Variants in TBC1D1 observed in about 807,000 individuals in gnomAD.
The protein encoded by TBC1D1 is TBC1 (tre-2/USP6, BUB2, cdc16) domain family, member 1.
TBC1D1 carries 89 observed loss-of-function variants against 125.6 expected under a neutral mutation model. The observed-to-expected ratio is 0.71, with a 90% CI of 0.60 to 0.85. The LOEUF is 0.85. Among genes scored for constraint, TBC1D1 ranks in the 40% least tolerant of loss-of-function variants. TBC1D1 has a pLI of 0.00. For missense variants in TBC1D1, 1,377 were observed against 1,469.2 expected (o/e 0.94, Z 1.03); for synonymous variants, 565 against 564.1 (o/e 1.00, Z -0.02).
chr4:37,986,078 T>C (rs929890139), intron 2 of TBC1D1, among the ~76,000 whole-genome samples: 1 of 152,228 alleles, frequency 6.6e-6, no homozygotes, highest in African/African-American at 2.4e-5. Context: ...TACTCAGACC[T>C]TTTCTTTCAT....
intron 15 of TBC1D1, among the ~76,000 whole-genome samples, chr4:38,110,897 C>A (rs1440657511): frequency 6.6e-6 from 1 of 152,178 alleles, no homozygotes; most frequent in East Asian, 1.9e-4. Context: ...GGGTGTGTGG[C>A]CTTCTCTCCT....
chr4:37,999,174 G>A (rs1042637058), intron 2 of TBC1D1, among the ~76,000 whole-genome samples: 2 of 152,178 alleles, frequency 1.3e-5, no homozygotes, highest in Non-Finnish European at 1.5e-5. Context: ...GCTTGAACCC[G>A]GAGGCAGACG....
chr4:38,133,676 TAACA>T (rs1765986124), intron 19 of TBC1D1, among the ~76,000 whole-genome samples: 1 of 152,190 alleles, frequency 6.6e-6, no homozygotes, highest in South Asian at 2.1e-4. Context: ...GAAATAAATA[TAACA>T]AACCAGAAGA....
chr4:38,043,610 T>G (rs2152469649), intron 8 of TBC1D1, among the ~76,000 whole-genome samples: 1 of 149,070 alleles, frequency 6.7e-6, no homozygotes, highest in South Asian at 2.1e-4. Flanking sequence ...AAAAAGTACC[T>G]CCTTGTAAAT....
intron 18 of TBC1D1, among the ~76,000 whole-genome samples, chr4:38,126,407 T>A (rs371863886): frequency 1.3e-5 from 2 of 152,370 alleles, no homozygotes; most frequent in East Asian, 3.9e-4. Context: ...CCAAAAGGAA[T>A]CCATGATTCC....
intron 2 of TBC1D1, among the ~76,000 whole-genome samples, chr4:37,988,455 G>A (rs1475891739): frequency 6.6e-6 from 1 of 152,098 alleles, no homozygotes; most frequent in Non-Finnish European, 1.5e-5. Context: ...ACATTAATGT[G>A]TTCATCCATT....
rs1205619644 is a variant in TBC1D1, at chr4:37,891,210, C to T, written c.-232C>T. ...CGGGCGCCGAGCCGAGGGGAGCCCC[C>T]TCCCCGTCCCCCCGCGGCGGGAAGA... On this transcript the variant is annotated 5_prime_UTR_variant, in exon 1 of 20. Coordinates refer to ENST00000261439, the MANE Select transcript of TBC1D1 (RefSeq NM_015173.4). 6.5e-6 allele frequency: 1 copy of T among 152,988 alleles called. No individual in the cohort carries two copies. Among genetic ancestry groups the T allele is most frequent in the Non-Finnish European group, 1.5e-5 (1 of 68,654 alleles). 9.5% of individuals were successfully genotyped at this position (152,988 alleles called of 1,614,324 possible). A position where few individuals can be genotyped will look rare whatever the true frequency, so the allele number is the denominator to read the frequency against.
At chr4:38,017,636 G>A (rs1463298795) in intron 3 of TBC1D1, among the ~76,000 whole-genome samples, 1 of 152,190 alleles carries the variant, frequency 6.6e-6, no homozygotes, top group Non-Finnish European at 1.5e-5. Flanking sequence ...ATGGGTCTGG[G>A]AGTTAAGAAT....
chr4:37,995,221 T>C lies in TBC1D1; in HGVS notation c.418-19288T>C, dbSNP rs949717480. Among the ~76,000 whole-genome samples, 9 of 152,172 alleles carry C rather than the reference T, an allele frequency of 5.9e-5. No homozygotes were observed. Among genetic ancestry groups the C allele is most frequent in the African/African-American group, 2.2e-4 (9 of 41,444 alleles). On this transcript the variant is annotated intron_variant, in intron 2 of 19. Coordinates refer to ENST00000261439, the MANE Select transcript of TBC1D1 (RefSeq NM_015173.4). The surrounding 1 kb of genome is among the most constrained non-coding windows in gnomAD (Gnocchi z 4.3). ...TTTTCTTCCTCATATGCTAGGAGCC[T>C]GGACAGATAAAGGTGTAAACAAAAA...
intron 2 of TBC1D1, among the ~76,000 whole-genome samples, chr4:38,009,243 G>A (rs1305763569): frequency 6.6e-6 from 1 of 152,092 alleles, no homozygotes; most frequent in Non-Finnish European, 1.5e-5. Context: ...TGTGTGAAGT[G>A]CTCATTTGAA....
intron 10 of TBC1D1, among the ~76,000 whole-genome samples, chr4:38,048,851 G>A (rs1207351692): frequency 6.6e-6 from 1 of 152,164 alleles, no homozygotes; most frequent in African/African-American, 2.4e-5. Context: ...CGTGCATCGT[G>A]AAGGCATACA....
At chr4:38,111,893 C>G in intron 15 of TBC1D1, 2 of 984,582 alleles carry the variant, frequency 2.0e-6, no homozygotes, top group Non-Finnish European at 2.4e-6. Context: ...AGCTGAAGGC[C>G]AGAGACTCAC....
At chr4:37,938,323 CT>C (rs1371940973) in intron 2 of TBC1D1, among the ~76,000 whole-genome samples, 1 of 152,144 alleles carries the variant, frequency 6.6e-6, no homozygotes, top group African/African-American at 2.4e-5. Flanking sequence ...CCATCCTCAA[CT>C]GATTGCCAGG....
chr4:38,026,644 TTTC>T (rs1745143044), intron 6 of TBC1D1, among the ~76,000 whole-genome samples: 1 of 152,206 alleles, frequency 6.6e-6, no homozygotes, highest in Non-Finnish European at 1.5e-5. Flanking sequence ...ATGCTTTTTT[TTTC>T]TTTTCATGGC....
At chr4:38,079,241 T>C (rs1490662324) in intron 12 of TBC1D1, among the ~76,000 whole-genome samples, 1 of 152,260 alleles carries the variant, frequency 6.6e-6, no homozygotes, top group Non-Finnish European at 1.5e-5. Context: ...AGTCTGTCTC[T>C]GACTATGTTC....
At chr4:37,898,363 C>G (rs1319808597) in intron 1 of TBC1D1, among the ~76,000 whole-genome samples, 1 of 152,150 alleles carries the variant, frequency 6.6e-6, no homozygotes, top group East Asian at 1.9e-4. Flanking sequence ...AAATAGAAGA[C>G]AAGGATGGAG....
chr4:38,099,899 C>G (rs1578702770), intron 14 of TBC1D1, among the ~76,000 whole-genome samples: 1 of 152,082 alleles, frequency 6.6e-6, no homozygotes, highest in East Asian at 1.9e-4. Flanking sequence ...AGTGACACAG[C>G]CAATATTCTT....
rs769716260 is a variant in TBC1D1, at chr4:38,044,502, A to G, written c.1542+12A>G. 7 of 1,601,002 alleles carry G rather than the reference A, an allele frequency of 4.4e-6. No individual in the cohort carries two copies. Among genetic ancestry groups the G allele is most frequent in the Non-Finnish European group, 5.1e-6 (6 of 1,176,372 alleles). On this transcript the variant is annotated intron_variant, in intron 9 of 19. Coordinates refer to ENST00000261439, the MANE Select transcript of TBC1D1 (RefSeq NM_015173.4). ...GTATTTTGTCCCGGGTAAGTAGCAT[A>G]ATTTCTCCTGATTTAAGTTAAATCA...
intron 2 of TBC1D1, among the ~76,000 whole-genome samples, chr4:37,911,557 G>A (rs1200185137): frequency 6.6e-6 from 1 of 152,178 alleles, no homozygotes; most frequent in African/African-American, 2.4e-5. Context: ...TGCCCATCCT[G>A]CAGGGACCCT....
Sources: allele counts gnomAD v4.1 joint callset (sites outside exome capture counted in the v4.1 genomes callset), GRCh38; gene constraint gnomAD v4.1.1; non-coding constraint Gnocchi (gnomAD v3.1); transcripts MANE v1.5; gene names NCBI Gene and HGNC (gene_info 2026-07-23, HGNC 2026-07-21).